APOO: variants seen among roughly 807,000 people sequenced by gnomAD.
The protein encoded by APOO is MICOS complex subunit MIC26.
A neutral mutation model predicts 23.1 loss-of-function variants in APOO; 11 were observed. That is an observed-to-expected ratio of 0.48 (90% CI 0.30 to 0.79). The LOEUF (loss-of-function observed/expected upper bound fraction) is 0.79. Ranked by LOEUF, APOO falls within the 30% of genes least tolerant of loss-of-function variation. The probability of loss-of-function intolerance (pLI) is 0.07; values close to 1 mark genes in which losing one functional copy is unlikely to be tolerated. For synonymous variants in APOO, 59 were observed against 54.8 expected, an observed-to-expected ratio of 1.08 and a Z score of -0.34; for missense variants, 160 against 142.7, an observed-to-expected ratio of 1.12 and a Z score of -0.62.
intron 7 of APOO, among the ~76,000 whole-genome samples, chrX:23,845,964 TA>T (rs776851253): frequency 4.7e-4 from 53 of 111,863 alleles, no homozygotes; most frequent in African/African-American, 1.7e-3. Flanking sequence ...AGTGAAAAAC[TA>T]AAATATGATA....
intron 5 of APOO, among the ~76,000 whole-genome samples, chrX:23,865,110 G>C (rs1247181905): frequency 2.7e-5 from 3 of 111,549 alleles, no homozygotes; most frequent in African/African-American, 9.8e-5. Context: ...GGGGCGGGGG[G>C]AACCACTGGT....
chrX:23,847,574 C>T (rs1006931184), intron 7 of APOO, among the ~76,000 whole-genome samples: 2 of 109,769 alleles, frequency 1.8e-5, no homozygotes, highest in Admixed American at 9.8e-5. Context: ...AGCAGTGAGC[C>T]GAGATCATGC....
At chrX:23,876,851 A>G (rs1354061453) in intron 3 of APOO, among the ~76,000 whole-genome samples, 1 of 112,350 alleles carries the variant, frequency 8.9e-6, no homozygotes, top group Non-Finnish European at 1.9e-5. Flanking sequence ...TCTTCAAGAA[A>G]AGGGCTAGAA....
chrX:23,889,851 C>T (rs370244600), intron 1 of APOO, among the ~76,000 whole-genome samples: 12 of 109,129 alleles, frequency 1.1e-4, no homozygotes, highest in East Asian at 8.7e-4. Context: ...TTAGTAGAGA[C>T]GGGGTTTCAC....
chrX:23,893,169 G>A (rs1204304912), intron 1 of APOO, among the ~76,000 whole-genome samples: 4 of 109,004 alleles, frequency 3.7e-5, no homozygotes, highest in African/African-American at 1.0e-4. Flanking sequence ...TGTAATCCCA[G>A]CACTTTGGGA....
chrX:23,839,006 A>T (rs141638020), intron 8 of APOO, among the ~76,000 whole-genome samples: 1,934 of 111,815 alleles, frequency 0.017, 18 homozygotes, highest in Non-Finnish European at 0.025. Context: ...AACCATATTA[A>T]AAGTCAAGTC....
At chrX:23,867,190 A>G (rs945504753) in intron 5 of APOO, among the ~76,000 whole-genome samples, 5 of 111,957 alleles carry the variant, frequency 4.5e-5, no homozygotes, top group African/African-American at 6.5e-5. Context: ...TAGAGGGAAG[A>G]TTTTTTAAAT....
rs757715842 is a variant in APOO, at chrX:23,900,283, A to C, written c.9+7411T>G. Among the ~76,000 whole-genome samples the C allele has an allele frequency of 2.7e-5, 3 of 111,861 alleles. No individual in the cohort carries two copies. The Admixed American group carries it at 2.9e-4, about 11-fold the overall frequency. On this transcript the variant is annotated intron_variant, in intron 1 of 8. Coordinates refer to ENST00000379226, the MANE Select transcript of APOO (RefSeq NM_024122.5). ...CTTTGTAGTTCACGGTTCTTTTCGC[A>C]TATTATCTCAATTGAATCTCCCAAC...
At chrX:23,900,619 G>C (rs1276013031) in intron 1 of APOO, among the ~76,000 whole-genome samples, 1 of 102,706 alleles carries the variant, frequency 9.7e-6, no homozygotes, top group Non-Finnish European at 2.0e-5. Flanking sequence ...AGGGTGCGGA[G>C]AGCCAAGACT....
intron 5 of APOO, among the ~76,000 whole-genome samples, chrX:23,862,509 C>T (rs1053063752): frequency 3.7e-5 from 4 of 109,436 alleles, no homozygotes; most frequent in Admixed American, 9.9e-5. Flanking sequence ...GGCGCAGTGG[C>T]TCATGCCTAT....
At chrX:23,847,878 TTTATA>T (rs1175488812) in intron 7 of APOO, among the ~76,000 whole-genome samples, 5 of 105,722 alleles carry the variant, frequency 4.7e-5, no homozygotes, top group Non-Finnish European at 9.6e-5. Flanking sequence ...TATTTATTTA[TTTATA>T]TTATTTTTTT....
intron 7 of APOO, among the ~76,000 whole-genome samples, chrX:23,841,486 TAAAAAAA>T (rs543879334): frequency 8.8e-4 from 57 of 65,081 alleles, no homozygotes; most frequent in African/African-American, 2.7e-3. Flanking sequence ...AAAAGAAGTT[TAAAAAAA>T]AAAAAAAAAA....
intron 5 of APOO, among the ~76,000 whole-genome samples, chrX:23,863,282 G>C (rs1219547879): frequency 8.9e-6 from 1 of 112,283 alleles, no homozygotes; most frequent in African/African-American, 3.2e-5. Flanking sequence ...GTTGCAGTGA[G>C]CGGAGATTGT....
In APOO at chrX:23,842,690, C is replaced by T. The variant is rs758606085; in HGVS notation, c.562-2313G>A. Among the ~76,000 whole-genome samples the T allele has an allele frequency of 2.7e-5, 3 of 111,167 alleles. No homozygotes were observed. The South Asian group carries it at 1.1e-3, about 42-fold the overall frequency. ...TAAGGGCCAGTGAGATAATCATGTCCAACAATCGGGTCTGGCATAAAAACA... is the reference window on the plus strand; with the variant it reads ...TAAGGGCCAGTGAGATAATCATGTCTAACAATCGGGTCTGGCATAAAAACA... On this transcript the variant is annotated intron_variant, in intron 7 of 8. Coordinates refer to ENST00000379226, the MANE Select transcript of APOO (RefSeq NM_024122.5).
chrX:23,862,686 T>C (rs1175736635), intron 5 of APOO, among the ~76,000 whole-genome samples: 1 of 104,210 alleles, frequency 9.6e-6, no homozygotes, highest in African/African-American at 3.5e-5. Context: ...GATGGGAGGA[T>C]TGCTTGAGCC....
intron 8 of APOO, among the ~76,000 whole-genome samples, chrX:23,835,184 C>T (rs1387941858): frequency 1.8e-5 from 2 of 108,213 alleles, no homozygotes; most frequent in Non-Finnish European, 1.9e-5. Context: ...GCCTCAGCCT[C>T]CTGAGTAGCT....
intron 2 of APOO, among the ~76,000 whole-genome samples, chrX:23,880,509 G>T (rs942746859): frequency 9.0e-6 from 1 of 110,805 alleles, no homozygotes; most frequent in African/African-American, 3.3e-5. Flanking sequence ...AGACTAGCCT[G>T]GCCAACATGG....
chrX:23,843,554 C>T (rs1924092231), intron 7 of APOO, among the ~76,000 whole-genome samples: 1 of 107,627 alleles, frequency 9.3e-6, no homozygotes, highest in South Asian at 4.0e-4. Flanking sequence ...TTTCTTACCA[C>T]GTCCATGAAC....
chrX:23,868,508 ACCT>A, intron 5 of APOO, 82 bp downstream of exon 5: 1 of 783,886 alleles, frequency 1.3e-6, no homozygotes, highest in South Asian at 3.0e-5. Flanking sequence ...TTATTCTGAA[ACCT>A]GGTAAATGAA....
Sources: allele counts gnomAD v4.1 joint callset (sites outside exome capture counted in the v4.1 genomes callset), GRCh38; gene constraint gnomAD v4.1.1; transcripts MANE v1.5; gene names NCBI Gene and HGNC (gene_info 2026-07-23, HGNC 2026-07-21).